GPC6: variants seen among roughly 807,000 people sequenced by gnomAD.
GPC6 encodes glypican-6.
Under a neutral mutation model 55.2 loss-of-function variants are expected in GPC6, and 14 were observed. That is an observed-to-expected ratio of 0.25 (90% CI 0.17 to 0.40). GPC6 has a LOEUF of 0.40. GPC6 is among the 10% of genes least tolerant of loss of function. The pLI is 1.00. For missense variants in GPC6, 641 were observed against 708.5 expected (o/e 0.90, Z 1.08); for synonymous variants, 278 against 259.6 (o/e 1.07, Z -0.68).
At chr13:93,318,020 C>G (rs1375174746) in intron 1 of GPC6, among the ~76,000 whole-genome samples, 1 of 152,108 alleles carries the variant, frequency 6.6e-6, no homozygotes, top group Admixed American at 6.6e-5. Flanking sequence ...GCAATGAATT[C>G]AACTCATGTT....
At chr13:93,939,176 C>T (rs536952210) in intron 3 of GPC6, among the ~76,000 whole-genome samples, 19 of 151,214 alleles carry the variant, frequency 1.3e-4, no homozygotes, top group Non-Finnish European at 2.1e-4. Flanking sequence ...AGCAGTTGAA[C>T]ATGTCTGAAA....
intron 2 of GPC6, among the ~76,000 whole-genome samples, chr13:93,554,992 G>A (rs576419592): frequency 1.6e-3 from 237 of 152,210 alleles, no homozygotes; most frequent in African/African-American, 5.3e-3. Context: ...TAGCAGTCCA[G>A]TAGAATATAA....
rs4001790 is a variant in GPC6, at chr13:94,118,996, ATGTGTGTGTGTG to A, written c.877+91120_877+91131del. Among the ~76,000 whole-genome samples the A allele has an allele frequency of 1.7e-3, 263 of 150,630 alleles. 2 individuals are homozygous for A. The highest frequency in any genetic ancestry group is 2.4e-3 in the Non-Finnish European group (160 of 67,598). ...TTCCTGGCCTGTATATACATTATGT[ATGTGTGTGTGTG>A]TGTGTGTGTGTGTGTGTACACTTGC... is the stretch of plus-strand genomic sequence containing the variant. On this transcript the variant is annotated intron_variant, in intron 4 of 8. Transcript: ENST00000377047.
At chr13:93,673,501 A>T (rs1441176288) in intron 2 of GPC6, among the ~76,000 whole-genome samples, 1 of 152,090 alleles carries the variant, frequency 6.6e-6, no homozygotes, top group Non-Finnish European at 1.5e-5. Context: ...CGACAAGAGT[A>T]TATATATATG....
chr13:93,883,667 A>C (rs546413734), intron 3 of GPC6, among the ~76,000 whole-genome samples: 3 of 151,700 alleles, frequency 2.0e-5, no homozygotes, highest in Non-Finnish European at 4.4e-5. Flanking sequence ...TTTTTTCTTT[A>C]ACTATTTCTT....
At chr13:93,628,393 A>G (rs558889628) in intron 2 of GPC6, among the ~76,000 whole-genome samples, 1 of 152,202 alleles carries the variant, frequency 6.6e-6, no homozygotes, top group Non-Finnish European at 1.5e-5. Flanking sequence ...CCATATGTGC[A>G]TTGCCTATTC....
chr13:94,048,324 T>C (rs1031585630), intron 4 of GPC6, among the ~76,000 whole-genome samples: 6 of 152,034 alleles, frequency 3.9e-5, no homozygotes, highest in Non-Finnish European at 5.9e-5. Context: ...ATGTCAAAAA[T>C]AGCAGTTGAT....
intron 3 of GPC6, among the ~76,000 whole-genome samples, chr13:93,916,537 G>C (rs1392528893): frequency 3.3e-5 from 5 of 152,130 alleles, no homozygotes; most frequent in Admixed American, 3.3e-4. Flanking sequence ...CATTGGTACT[G>C]TAGGAATGCC....
chr13:93,875,154 G>A (rs551966104), intron 3 of GPC6, among the ~76,000 whole-genome samples: 7 of 151,982 alleles, frequency 4.6e-5, no homozygotes, highest in African/African-American at 1.4e-4. Flanking sequence ...TTTGGTGAAG[G>A]CCCCTCAAGT....
chr13:93,806,302 C>T (rs934991028), intron 2 of GPC6, among the ~76,000 whole-genome samples: 6 of 151,894 alleles, frequency 4.0e-5, no homozygotes, highest in South Asian at 2.1e-4. Flanking sequence ...ATGGGGACAA[C>T]GTATAATTTT....
intron 4 of GPC6, among the ~76,000 whole-genome samples, chr13:94,136,062 A>G (rs1944861955): frequency 6.6e-6 from 1 of 152,198 alleles, no homozygotes. Context: ...ACCAAATTGT[A>G]TTGTCATTTC....
At chr13:94,155,960 G>C (rs745660699) in intron 4 of GPC6, among the ~76,000 whole-genome samples, 5 of 152,086 alleles carry the variant, frequency 3.3e-5, no homozygotes, top group Non-Finnish European at 7.4e-5. Flanking sequence ...GATCCTCACA[G>C]GTGCTACCAT....
intron 1 of GPC6, among the ~76,000 whole-genome samples, chr13:93,411,573 C>A (rs1381566229): frequency 6.6e-6 from 1 of 152,160 alleles, no homozygotes; most frequent in Non-Finnish European, 1.5e-5. Context: ...CAGTATGATT[C>A]TCTGGGCACA....
chr13:93,628,613 G>A (rs7334473), intron 2 of GPC6, among the ~76,000 whole-genome samples: 6,276 of 152,186 alleles, frequency 0.041, 450 homozygotes, highest in African/African-American at 0.14. Context: ...GCATGACACT[G>A]GAGTTTATGT....
chr13:93,547,813 TC>T (rs2139437346), intron 2 of GPC6, among the ~76,000 whole-genome samples: 1 of 152,240 alleles, frequency 6.6e-6, no homozygotes, highest in African/African-American at 2.4e-5. Flanking sequence ...ATCATCATCA[TC>T]ATCAATTAAA....
At chr13:94,316,943 T>C (rs1876571994) in intron 6 of GPC6, among the ~76,000 whole-genome samples, 1 of 152,224 alleles carries the variant, frequency 6.6e-6, no homozygotes, top group Non-Finnish European at 1.5e-5. Context: ...TTCTGTCTCT[T>C]TCATACATCA....
intron 2 of GPC6, among the ~76,000 whole-genome samples, chr13:93,664,738 C>T (rs1881065594): frequency 6.6e-6 from 1 of 152,140 alleles, no homozygotes; most frequent in Admixed American, 6.5e-5. Flanking sequence ...CTGCCTCAGC[C>T]TCCTGAGTAG....
At chr13:93,511,014 C>T (rs116280784) in intron 1 of GPC6, among the ~76,000 whole-genome samples, 2,170 of 20,720 alleles carry the variant, frequency 0.1, 225 homozygotes, top group Middle Eastern at 0.17. Flanking sequence ...TATTCATGTC[C>T]TTTGGCCATT....
At chr13:93,995,943 A>C (rs1242465714) in intron 3 of GPC6, among the ~76,000 whole-genome samples, 2 of 152,166 alleles carry the variant, frequency 1.3e-5, no homozygotes, top group Non-Finnish European at 2.9e-5. Context: ...AAAGCAAATG[A>C]ATGTGTTCCA....
Sources: gnomAD v4.1 joint callset for allele counts (sites outside exome capture counted in the v4.1 genomes callset) on GRCh38, gnomAD v4.1.1 for gene constraint, MANE v1.5 for transcripts, NCBI Gene and HGNC (gene_info 2026-07-23, HGNC 2026-07-21) for gene names.